RPTOR: variants seen among roughly 807,000 people sequenced by gnomAD.
RPTOR encodes the protein regulatory associated protein of MTOR complex 1.
RPTOR carries 21 observed loss-of-function variants against 169.9 expected under a neutral mutation model. That is an observed-to-expected ratio of 0.12 (90% CI 0.09 to 0.18). The LOEUF is 0.18. Ranked by LOEUF, RPTOR falls within the 10% of genes least tolerant of loss-of-function variation. The pLI, the probability that RPTOR is intolerant of heterozygous loss-of-function variation, is 1.00. For synonymous variants in RPTOR, 732 were observed against 753.2 expected (o/e 0.97, Z 0.46); for missense variants, 1,133 against 1,855.9 (o/e 0.61, Z 7.16).
At chr17:80,814,279 T>C (rs1041466757) in intron 7 of RPTOR, among the ~76,000 whole-genome samples, 3 of 152,206 alleles carry the variant, frequency 2.0e-5, no homozygotes, top group African/African-American at 7.2e-5. Context: ...TCCGTGTAGA[T>C]TATTAAGCAC....
chr17:80,922,858 G>C, intron 22 of RPTOR, 31 bp downstream of exon 22: 1 of 1,528,904 alleles, frequency 6.5e-7, no homozygotes. Flanking sequence ...CTGCAGGTCC[G>C]TGGTGGTGAC....
At chr17:80,744,430 C>CTGTCCTGGTTACG (rs1567888671) in intron 5 of RPTOR, among the ~76,000 whole-genome samples, 2 of 84,428 alleles carry the variant, frequency 2.4e-5, no homozygotes, top group Non-Finnish European at 2.3e-5. Flanking sequence ...GCTACTAGCA[C>CTGTCCTGGTTACG]AGCCCTGGCT....
intron 3 of RPTOR, among the ~76,000 whole-genome samples, chr17:80,701,526 C>T (rs1023654763): frequency 1.3e-5 from 2 of 152,136 alleles, no homozygotes; most frequent in Non-Finnish European, 2.9e-5. Flanking sequence ...ACCAACATTT[C>T]CCTGGAAATC....
intron 21 of RPTOR, among the ~76,000 whole-genome samples, chr17:80,912,671 G>A (rs1468995808): frequency 6.6e-6 from 1 of 152,184 alleles, no homozygotes; most frequent in Non-Finnish European, 1.5e-5. Context: ...TTTGGATTGT[G>A]TGTGACATGT....
chr17:80,893,625 T>C (rs778516735), intron 19 of RPTOR, 82 bp from the exon 20 acceptor site: 2 of 1,497,044 alleles, frequency 1.3e-6, no homozygotes, highest in East Asian at 2.4e-5. Flanking sequence ...GAAGAAAATA[T>C]GTATCTCAGT....
At chr17:80,570,513 T>C (rs1184863275) in intron 1 of RPTOR, among the ~76,000 whole-genome samples, 1 of 152,040 alleles carries the variant, frequency 6.6e-6, no homozygotes, top group Non-Finnish European at 1.5e-5. Flanking sequence ...CAGGCTGGAG[T>C]GCAATGGTGC....
chr17:80,882,770 G>A (rs1002399114), intron 14 of RPTOR, among the ~76,000 whole-genome samples: 31 of 152,206 alleles, frequency 2.0e-4, no homozygotes, highest in African/African-American at 7.0e-4. Flanking sequence ...TACTCATGGC[G>A]AATTGGAGGG....
intron 1 of RPTOR, among the ~76,000 whole-genome samples, chr17:80,607,913 CT>C (rs1348621584): frequency 2.0e-5 from 3 of 152,066 alleles, no homozygotes; most frequent in African/African-American, 7.2e-5. Flanking sequence ...GCATAAATTC[CT>C]TATGGTTAGA....
chr17:80,905,320 C>T (rs940289456), intron 20 of RPTOR, among the ~76,000 whole-genome samples: 4 of 151,952 alleles, frequency 2.6e-5, no homozygotes, highest in South Asian at 2.1e-4. Context: ...GGCGCAGTGG[C>T]GCATGCCGGT....
chr17:80,874,175 G>T (rs2068080868), intron 13 of RPTOR, among the ~76,000 whole-genome samples: 1 of 151,928 alleles, frequency 6.6e-6, no homozygotes, highest in African/African-American at 2.4e-5. Flanking sequence ...TGTAGACGTG[G>T]GTATGTCTGG....
intron 8 of RPTOR, 94 bp downstream of exon 8, chr17:80,822,395 T>A: frequency 4.1e-6 from 5 of 1,218,438 alleles, no homozygotes; most frequent in Non-Finnish European, 6.0e-6. Flanking sequence ...ATAGGATCCG[T>A]GAGTGCCTCC....
chr17:80,559,799 A>C (rs2084456892), intron 1 of RPTOR, among the ~76,000 whole-genome samples: 3 of 152,208 alleles, frequency 2.0e-5, no homozygotes, highest in Non-Finnish European at 2.9e-5. Context: ...GCTGGAATGC[A>C]CAGAAGGGAG....
intron 29 of RPTOR, among the ~76,000 whole-genome samples, chr17:80,958,968 T>C (rs1278038180): frequency 6.6e-6 from 1 of 152,190 alleles, no homozygotes; most frequent in African/African-American, 2.4e-5. Flanking sequence ...ACAGAGGCCA[T>C]ACCCAGCCTC....
chr17:80,855,922 AG>A (rs1443916363), intron 12 of RPTOR, among the ~76,000 whole-genome samples: 1 of 152,188 alleles, frequency 6.6e-6, no homozygotes, highest in Non-Finnish European at 1.5e-5. Context: ...TTCCCCCAGG[AG>A]GAGTCTGGAT....
intron 24 of RPTOR, among the ~76,000 whole-genome samples, chr17:80,925,942 G>A (rs1412119370): frequency 1.3e-5 from 2 of 152,246 alleles, no homozygotes; most frequent in Non-Finnish European, 2.9e-5. Flanking sequence ...CGCAGTGGCT[G>A]TGTTCCTGCA....
intron 1 of RPTOR, among the ~76,000 whole-genome samples, chr17:80,572,370 G>A (rs1397958009): frequency 6.6e-6 from 1 of 152,006 alleles, no homozygotes; most frequent in Non-Finnish European, 1.5e-5. Context: ...GTACACCTAA[G>A]CAGGCATAGG....
At chr17:80,877,888 G>A (rs1271591293) in intron 13 of RPTOR, among the ~76,000 whole-genome samples, 1 of 152,074 alleles carries the variant, frequency 6.6e-6, no homozygotes, top group Non-Finnish European at 1.5e-5. Context: ...CAGCAGCCCA[G>A]CCCATAACCC....
intron 1 of RPTOR, among the ~76,000 whole-genome samples, chr17:80,554,411 A>G (rs936586406): frequency 6.6e-6 from 1 of 152,120 alleles, no homozygotes; most frequent in Non-Finnish European, 1.5e-5. Flanking sequence ...TACTTCAACC[A>G]AAACAGTGTA....
At chr17:80,628,959 C>T (rs996397834) in intron 2 of RPTOR, among the ~76,000 whole-genome samples, 6 of 149,476 alleles carry the variant, frequency 4.0e-5, no homozygotes, top group African/African-American at 1.2e-4. Flanking sequence ...ATGTGTCTCT[C>T]TCTTCTGGGA....
Sources: allele counts gnomAD v4.1 joint callset (sites outside exome capture counted in the v4.1 genomes callset), GRCh38; gene constraint gnomAD v4.1.1; transcripts MANE v1.5; gene names NCBI Gene and HGNC (gene_info 2026-07-23, HGNC 2026-07-21).